The following ECPAS variants were observed in gnomAD, a reference collection of about 807,000 sequenced individuals.
ECPAS encodes proteasome adapter and scaffold protein ECM29.
Under a neutral mutation model 255.1 loss-of-function variants are expected in ECPAS, and 70 were observed. The observed-to-expected ratio is 0.27, with a 90% confidence interval of 0.23 to 0.33. The LOEUF (loss-of-function observed/expected upper bound fraction) is 0.33. Ranked by LOEUF, ECPAS falls within the 10% of genes least tolerant of loss-of-function variation. ECPAS has a pLI of 1.00. For missense variants in ECPAS, 1,817 were observed against 2,206.4 expected (o/e 0.82, Z 3.54); for synonymous variants, 784 against 775.0 (o/e 1.01, Z -0.19).
Position 111,385,373 on chromosome 9 carries a change from A to C in ECPAS, c.3597T>G (p.Ile1199Met). Residue 1199 changes from isoleucine (I) to methionine (M), a missense_variant, in exon 33 of 50, where the codon ATT (isoleucine) becomes ATG (methionine). Physicochemically the swap from Ile to Met is conservative, Grantham distance 10. This residue lies in a region of ECPAS where 960 missense variants were observed against 1,179.0 expected (regional missense o/e 0.81). Transcript: ENST00000684092. ...LDDIIDKLPE[I>M]WETLFRVQDD... ...CTTGTACTCTAAAAAGCGTTTCCCA[A>C]ATTTCTGGAAGTTTATCAATGATGT... 1 of 1,578,476 alleles carries C rather than the reference A, an allele frequency of 6.3e-7. No individual in the cohort carries two copies. Among genetic ancestry groups the C allele is most frequent in the Non-Finnish European group, 8.6e-7 (1 of 1,158,360 alleles).
chr9:111,401,216 A>C (rs2098175486), intron 24 of ECPAS, among the ~76,000 whole-genome samples: 1 of 152,218 alleles, frequency 6.6e-6, no homozygotes, highest in Non-Finnish European at 1.5e-5. Context: ...CAATATTTCA[A>C]TGTAGGTTCT....
rs1353209929 is a variant in ECPAS, at chr9:111,360,793, C to T, written c.*1237G>A. On this transcript the variant is annotated 3_prime_UTR_variant, in exon 50 of 50. Coordinates refer to ENST00000684092, the MANE Select transcript of ECPAS (RefSeq NM_001364929.1). The stretch of plus-strand genomic sequence containing the variant: ...AAAAATAATAAACATGGAGTTTCCA[C>T]GAAAAATAATAAACATGGAGATTCC... 2 of 152,032 alleles carry T rather than the reference C, an allele frequency of 1.3e-5. No homozygotes were observed. The highest frequency in any genetic ancestry group is 4.8e-5 in the African/African-American group (2 of 41,376). 9.4% of individuals were successfully genotyped at this position (152,032 alleles called of 1,614,324 possible).
chr9:111,449,629 G>A (rs2131952599), intron 3 of ECPAS, among the ~76,000 whole-genome samples: 1 of 152,166 alleles, frequency 6.6e-6, no homozygotes, highest in Admixed American at 6.5e-5. Flanking sequence ...AAAAATCTAA[G>A]ATAAGTAAAT....
chr9:111,391,963 G>A (rs528179558), intron 28 of ECPAS, 139 bp from the exon 29 acceptor site: 16 of 649,650 alleles, frequency 2.5e-5, no homozygotes, highest in Middle Eastern at 6.3e-4. Context: ...CTTTCCGGCC[G>A]GGCGCGGTGG....
At chr9:111,388,283 T>C (rs756533246) in intron 31 of ECPAS, among the ~76,000 whole-genome samples, 12 of 150,896 alleles carry the variant, frequency 8.0e-5, no homozygotes, top group South Asian at 4.3e-4. Context: ...CTTTCACTTA[T>C]AGAGATGACA....
chr9:111,369,499 ACT>A (rs1385629863), intron 45 of ECPAS, among the ~76,000 whole-genome samples: 2 of 152,122 alleles, frequency 1.3e-5, no homozygotes, highest in Non-Finnish European at 2.9e-5. Context: ...CTAAATCCAA[ACT>A]CTTTCTTGAT....
rs557002880 is a variant in ECPAS at position 111,477,764 on chromosome 9, G to A, written c.-82-4764C>T. 3.9e-5 allele frequency among the ~76,000 whole-genome samples: 6 copies of A among 152,004 alleles called. No individual in the cohort carries two copies. In the East Asian group the frequency reaches 9.7e-4, roughly 24 times the overall value. On this transcript the variant is annotated intron_variant, in intron 1 of 49. Coordinates refer to ENST00000684092, the MANE Select transcript of ECPAS (RefSeq NM_001364929.1). ...TACATGCAAAACAATTAGAACACAC[G>A]GTAAACACACAATAAATAAACAGCT...
chr9:111,412,902 C>A (rs1219803301), intron 20 of ECPAS, among the ~76,000 whole-genome samples: 1 of 152,044 alleles, frequency 6.6e-6, no homozygotes, highest in Non-Finnish European at 1.5e-5. Context: ...AAAAAAAGAA[C>A]CGCAATATGT....
intron 46 of ECPAS, among the ~76,000 whole-genome samples, chr9:111,368,533 C>T (rs1252323637): frequency 1.3e-5 from 2 of 152,138 alleles, no homozygotes; most frequent in East Asian, 3.8e-4. Context: ...ATACTATCCC[C>T]CAGTACCTCA....
Position 111,420,046 on chromosome 9 carries a change from T to C in ECPAS, c.1530A>G (p.Arg510=), listed in dbSNP as rs925107346. The C allele has an allele frequency of 4.3e-6, 7 of 1,612,586 alleles. No individual in the cohort carries two copies. The highest frequency in any genetic ancestry group is 5.9e-6 in the Non-Finnish European group (7 of 1,179,146). ...TVFPSDHIPS[R]YLLLLAAGDP... Reference sequence around the variant, plus strand: ...CTCCTGCAGCCAGTAGCAGCAAATATCTGGAAGGGATATGATCTGAGGGAA... The same window carrying C: ...CTCCTGCAGCCAGTAGCAGCAAATACCTGGAAGGGATATGATCTGAGGGAA... The change falls in exon 16 of 50, where the codon AGA becomes AGG. Residue 510 remains arginine (R), a synonymous_variant. Coordinates refer to ENST00000684092, the MANE Select transcript of ECPAS (RefSeq NM_001364929.1).
chr9:111,452,986 A>G (rs539349614), intron 2 of ECPAS, among the ~76,000 whole-genome samples: 65 of 152,278 alleles, frequency 4.3e-4, no homozygotes, highest in African/African-American at 1.5e-3. Context: ...GCTTATGCCT[A>G]TAATCCCAAC....
At chr9:111,396,744 G>T (rs529080412) in intron 25 of ECPAS, among the ~76,000 whole-genome samples, 2 of 152,166 alleles carry the variant, frequency 1.3e-5, no homozygotes, top group East Asian at 1.9e-4. Context: ...TAGAGATGGG[G>T]TTTCACCATG....
In ECPAS at chr9:111,392,775, C is replaced by T; in HGVS notation, c.3085G>A (p.Gly1029Ser). The T allele has an allele frequency of 1.9e-6, 3 of 1,608,856 alleles. No individual in the cohort carries two copies. Among genetic ancestry groups the T allele is most frequent in the Non-Finnish European group, 2.5e-6 (3 of 1,176,762 alleles). The part of the protein sequence containing the change: ...VSTLVETLMT[G>S]KRVKHEVSGE... The stretch of plus-strand genomic sequence containing the variant: ...TTTTCAAGTTCACCATACCTTTTGC[C>T]AGTCATAAGTGTTTCCACAAGTGTA... The change falls in exon 28 of 50, where the codon GGC (glycine) becomes AGC (serine). Residue 1029 changes from glycine to serine, a missense_variant. Transcript: ENST00000684092.
Position 111,378,725 on chromosome 9 carries a change from T to C in ECPAS, c.3809A>G (p.Asn1270Ser). ...TVTEVRALSI[N>S]TLVKISKSAG... is the part of the protein sequence containing the mutation. ...ACTTTTGCTGATCTTCACAAGGGTG[T>C]TAATGCTACAAACATATGGAACACA... The change falls in exon 36 of 50, where the codon AAC becomes AGC. Residue 1270 changes from asparagine (N) to serine (S), a missense_variant. Transcript: ENST00000684092. 6.2e-7 allele frequency: 1 copy of C among 1,609,548 alleles called. No individual in the cohort carries two copies. The highest frequency in any genetic ancestry group is 8.5e-7 in the Non-Finnish European group (1 of 1,177,044).
chr9:111,414,257 G>GA (rs34232336), intron 19 of ECPAS, among the ~76,000 whole-genome samples, 172 bp downstream of exon 19: 13 of 152,140 alleles, frequency 8.5e-5, no homozygotes, highest in East Asian at 3.9e-4. Flanking sequence ...ATTTCTTTCC[G>GA]AAAAAAGAAG....
chr9:111,381,706 C>T (rs753721773), intron 35 of ECPAS, among the ~76,000 whole-genome samples: 11 of 152,226 alleles, frequency 7.2e-5, no homozygotes, highest in Admixed American at 2.0e-4. Context: ...AAAGCAAAGG[C>T]TCTTTATCAT....
chr9:111,473,985 A>T (rs138778095), intron 1 of ECPAS, among the ~76,000 whole-genome samples: 39 of 152,292 alleles, frequency 2.6e-4, no homozygotes, highest in African/African-American at 8.9e-4. Flanking sequence ...AGAAAAGAAA[A>T]GAAAAAAATC....
chr9:111,408,740 C>T lies in ECPAS; in HGVS notation c.2551-68G>A, dbSNP rs899854190. ...ATAGCTTTACCCCAGTGCAGTATTT[C>T]CAAAATGAGATGACAGGGAAGCGCA... On this transcript the variant is annotated intron_variant, in intron 23 of 49. Transcript: ENST00000684092. 10 of 910,592 alleles carry T rather than the reference C, an allele frequency of 1.1e-5. No homozygotes were observed. In the Admixed American group the frequency reaches 2.4e-4, roughly 22 times the overall value. 56.4% of individuals were successfully genotyped at this position (910,592 alleles called of 1,614,324 possible).
rs1382404494 is a variant in ECPAS at position 111,484,169 on chromosome 9, G to A, written c.-136C>T. On this transcript the variant is annotated 5_prime_UTR_variant, in exon 1 of 50. Coordinates refer to ENST00000684092, the MANE Select transcript of ECPAS (RefSeq NM_001364929.1). ...GACGCTGCGCTCGGCGCCGCGAGGT[G>A]AGGGCTGTAGAGCGAGGCGTTCGGC... is the stretch of plus-strand genomic sequence containing the variant. The A allele has an allele frequency of 1.4e-6, 2 of 1,476,040 alleles. No individual in the cohort carries two copies. Among genetic ancestry groups the A allele is most frequent in the African/African-American group, 1.5e-5 (1 of 67,878 alleles). 91.4% of individuals were successfully genotyped at this position (1,476,040 alleles called of 1,614,324 possible).
Sources: allele counts gnomAD v4.1 joint callset (sites outside exome capture counted in the v4.1 genomes callset), GRCh38; gene constraint gnomAD v4.1.1; regional missense constraint gnomAD v4.1.1; transcripts MANE v1.5; gene names NCBI Gene and HGNC (gene_info 2026-07-23, HGNC 2026-07-21).